TNRC18: variants seen among roughly 807,000 people sequenced by gnomAD.
The protein encoded by TNRC18 is trinucleotide repeat containing 18.
Under a neutral mutation model 226.7 loss-of-function variants are expected in TNRC18, and 69 were observed. The observed-to-expected ratio is 0.30, with a 90% confidence interval of 0.25 to 0.37. The LOEUF is 0.37. TNRC18 is among the 10% of genes least tolerant of loss of function. The probability of loss-of-function intolerance (pLI) is 1.00; values close to 1 mark genes in which losing one functional copy is unlikely to be tolerated. For synonymous variants in TNRC18, 2,449 were observed against 1,927.6 expected, an observed-to-expected ratio of 1.27 and a Z score of -7.09; for missense variants, 4,754 against 4,256.6, an observed-to-expected ratio of 1.12 and a Z score of -3.25.
intron 2 of TNRC18, among the ~76,000 whole-genome samples, chr7:5,404,467 T>G (rs1305109814): frequency 1.3e-5 from 2 of 152,178 alleles, no homozygotes; most frequent in Non-Finnish European, 2.9e-5. Context: ...CAAAGAAGTA[T>G]TGAAACAGTG....
Position 5,351,901 on chromosome 7 carries a change from C to T in TNRC18, c.5388G>A (p.Arg1796=). 2 of 1,613,666 alleles carry T rather than the reference C, an allele frequency of 1.2e-6. No homozygotes were observed. Among genetic ancestry groups the T allele is most frequent in the Non-Finnish European group, 1.7e-6 (2 of 1,179,786 alleles). Residue 1796 remains arginine, a synonymous_variant, in exon 17 of 30, where the codon AGG becomes AGA. Coordinates refer to ENST00000430969, the MANE Select transcript of TNRC18 (RefSeq NM_001080495.3). ...RTLKPKPATS[R]KQPFCLLLRE... The stretch of plus-strand genomic sequence containing the variant: ...GAAGCAGCAGACAAAACGGCTGCTT[C>T]CTGCTGGTGGCCGGCTTGGGTTTCA...
Position 5,370,362 on chromosome 7 carries a change from C to T in TNRC18, c.4219+13G>A, listed in dbSNP as rs114819957. 4.6e-4 allele frequency: 702 copies of T among 1,535,910 alleles called. 5 individuals are homozygous for T. The African/African-American group carries it at 8.9e-3, about 19-fold the overall frequency. ...TCACGAATCTGCAGAACTCAGAGGT[C>T]GCGCACTCTCACCTCCCATCTCTTG... On this transcript the variant is annotated intron_variant, in intron 11 of 29. Coordinates refer to ENST00000430969, the MANE Select transcript of TNRC18 (RefSeq NM_001080495.3).
rs1340561284 is a variant in TNRC18 at position 5,374,242 on chromosome 7, G to A, written c.3042C>T (p.Asp1014=). The A allele has an allele frequency of 1.5e-5, 22 of 1,500,062 alleles. No homozygotes were observed. Among genetic ancestry groups the A allele is most frequent in the South Asian group, 9.3e-5 (7 of 75,668 alleles). The allele number at this position is 1,500,062 out of a possible 1,614,324, so 92.9% of individuals were successfully genotyped here. The change falls in exon 10 of 30, where the codon GAC becomes GAT. Residue 1014 remains aspartate (D), a synonymous_variant. Transcript: ENST00000430969. ...LKAKVIQKLE[D]VSKPPAYAYP... ...AGGCGTAGGCGGGTGGCTTGGACAC[G>A]TCCTCCAGCTTCTGGATGACCTTGG...
In TNRC18 at chr7:5,312,986, GGAGGAGGAA is replaced by G. The variant is rs1318480318; in HGVS notation, c.7896_7904del (p.Ser2669_Ser2671del). ...AGGAAGAGGAGGAGGAGGAAGAGGA[GGAGGAGGAA>G]GAGGAGGATGAGGAGGAGGAGGAGG... On this transcript the variant is annotated inframe_deletion, in exon 27 of 30. Transcript: ENST00000430969. The surrounding 1 kb of genome is among the most constrained non-coding windows in gnomAD (Gnocchi z 6.3). 5 of 1,068,048 alleles carry G rather than the reference GGAGGAGGAA, an allele frequency of 4.7e-6. No homozygotes were observed. The highest frequency in any genetic ancestry group is 2.8e-5 in the East Asian group (1 of 35,872). The allele number at this position is 1,068,048 out of a possible 1,614,324, so 66.2% of individuals were successfully genotyped here. A position where few individuals can be genotyped will look rare whatever the true frequency, so the allele number is the denominator to read the frequency against.
chr7:5,359,901 A>G (rs1792853239), intron 14 of TNRC18, among the ~76,000 whole-genome samples: 2 of 152,148 alleles, frequency 1.3e-5, no homozygotes, highest in African/African-American at 4.8e-5. Flanking sequence ...AAGATCAGAA[A>G]CGCCAAGGAA....
rs888193315 is a variant in TNRC18 at position 5,419,465 on chromosome 7, G to GCA, written c.187+1593_187+1594dup. On this transcript the variant is annotated intron_variant, in intron 2 of 29. Coordinates refer to ENST00000430969, the MANE Select transcript of TNRC18 (RefSeq NM_001080495.3). ...CAAATGACCCAAAAGACACACGCAT[G>GCA]CACACACACACACATCACGGTGGAC... is the stretch of plus-strand genomic sequence containing the variant. Among the ~76,000 whole-genome samples, 596 of 151,778 alleles carry GCA rather than the reference G, an allele frequency of 3.9e-3. 2 individuals are homozygous for GCA. The highest frequency in any genetic ancestry group is 0.014 in the African/African-American group (571 of 41,484).
At chr7:5,416,993 A>T (rs767208539) in intron 2 of TNRC18, among the ~76,000 whole-genome samples, 7 of 15,960 alleles carry the variant, frequency 4.4e-4, no homozygotes, top group African/African-American at 7.9e-4. Context: ...TAAAAAAAAA[A>T]TTTTTTTTTA....
chr7:5,378,495 T>C (rs1272834266), intron 5 of TNRC18, among the ~76,000 whole-genome samples: 1 of 151,572 alleles, frequency 6.6e-6, no homozygotes, highest in Non-Finnish European at 1.5e-5. Context: ...CTCGGCTCAC[T>C]GCAAGCTCCA....
chr7:5,360,230 TATTTATTTA>T lies in TNRC18; in HGVS notation c.4662-670_4662-662del, dbSNP rs1486797842. ...TTATTTATTTATTTATTTATTTATT[TATTTATTTA>T]ATTTATTTTTAGATGGAGTCTCACT... On this transcript the variant is annotated intron_variant, in intron 14 of 29. Transcript: ENST00000430969. Among the ~76,000 whole-genome samples, 10 of 150,946 alleles carry T rather than the reference TATTTATTTA, an allele frequency of 6.6e-5. No individual in the cohort carries two copies. In the South Asian group the frequency reaches 1.0e-3, roughly 16 times the overall value.
Position 5,324,099 on chromosome 7 carries a change from G to A in TNRC18, c.6442+115C>T. 3.3e-6 allele frequency: 4 copies of A among 1,197,444 alleles called. No individual in the cohort carries two copies. The South Asian group carries it at 4.5e-5, about 13-fold the overall frequency. 74.2% of individuals were successfully genotyped at this position (1,197,444 alleles called of 1,614,324 possible). On this transcript the variant is annotated intron_variant, in intron 21 of 29. Coordinates refer to ENST00000430969, the MANE Select transcript of TNRC18 (RefSeq NM_001080495.3). The surrounding 1 kb of genome is among the most constrained non-coding windows in gnomAD (Gnocchi z 4.8). ...TCAGCCTCAGGATCTCTGCTCCTGT[G>A]GTTCCCTGCCCCCAGCTAGCCCAGC...
At position 5,332,709 on chromosome 7, in the gene TNRC18, G is replaced by A. The variant is rs1425786585; in HGVS notation, c.6060C>T (p.Ala2020=). 15 of 1,528,882 alleles carry A rather than the reference G, an allele frequency of 9.8e-6. No homozygotes were observed. The highest frequency in any genetic ancestry group is 1.2e-5 in the Non-Finnish European group (14 of 1,141,996). 94.7% of individuals were successfully genotyped at this position (1,528,882 alleles called of 1,614,324 possible). A position where few individuals can be genotyped will look rare whatever the true frequency, so the allele number is the denominator to read the frequency against. ...AAPAPVSTAP[A]TKTSRCAKGG... ...CCTTGGCGCAGCGGCTGGTCTTGGT[G>A]GCGGGCGCGGTGCTGACGGGCGCAG... Residue 2020 remains alanine, a synonymous_variant, in exon 19 of 30, where the codon GCC becomes GCT. Transcript: ENST00000430969.
chr7:5,409,544 G>A (rs898202863), intron 2 of TNRC18, among the ~76,000 whole-genome samples: 2 of 151,570 alleles, frequency 1.3e-5, no homozygotes, highest in Non-Finnish European at 2.9e-5. Flanking sequence ...AGCAGTGATT[G>A]CACCACTGAA....
chr7:5,398,513 C>T (rs1272146473), intron 2 of TNRC18, among the ~76,000 whole-genome samples: 2 of 151,468 alleles, frequency 1.3e-5, no homozygotes, highest in Admixed American at 1.3e-4. Context: ...GAGATGAGGT[C>T]TTGCGATGTT....
At chr7:5,412,118 G>T (rs773492878) in intron 2 of TNRC18, among the ~76,000 whole-genome samples, 1 of 152,036 alleles carries the variant, frequency 6.6e-6, no homozygotes, top group Admixed American at 6.6e-5. Context: ...GAGCCCAGGA[G>T]GTTGAGGCTG....
At chr7:5,311,146 TTTTG>T (rs1787158200) in intron 27 of TNRC18, among the ~76,000 whole-genome samples, 1 of 152,238 alleles carries the variant, frequency 6.6e-6, no homozygotes, top group Non-Finnish European at 1.5e-5. Flanking sequence ...GTATACTTGC[TTTTG>T]TGTGTGGCTG....
chr7:5,336,202 GT>G (rs199981946), intron 18 of TNRC18, among the ~76,000 whole-genome samples: 3,184 of 141,642 alleles, frequency 0.022, 67 homozygotes, highest in Admixed American at 0.067. Flanking sequence ...GCGAGACTCT[GT>G]TTTAAAAAAA....
Position 5,319,955 on chromosome 7 carries a change from G to A in TNRC18, c.6745+363C>T, listed in dbSNP as rs377067599. Among the ~76,000 whole-genome samples, 21 of 152,324 alleles carry A rather than the reference G, an allele frequency of 1.4e-4. No homozygotes were observed. The South Asian group carries it at 3.1e-3, about 23-fold the overall frequency. Reference sequence around the variant, plus strand: ...CCCAGGCCCGGTCGATCAGACTCACGGCAGTAGGATCAATGAAAACCATGT... The same window carrying A: ...CCCAGGCCCGGTCGATCAGACTCACAGCAGTAGGATCAATGAAAACCATGT... On this transcript the variant is annotated intron_variant, in intron 24 of 29. Coordinates refer to ENST00000430969, the MANE Select transcript of TNRC18 (RefSeq NM_001080495.3).
At chr7:5,337,475 C>A (rs771586793) in intron 18 of TNRC18, among the ~76,000 whole-genome samples, 1 of 128,248 alleles carries the variant, frequency 7.8e-6, no homozygotes, top group Admixed American at 8.1e-5. Flanking sequence ...CAGAGTGAGA[C>A]TGTTTCAAAA....
rs1197604037 is a variant in TNRC18, at chr7:5,389,334, C to T, written c.490G>A (p.Gly164Ser). Residue 164 changes from glycine (G) to serine (S), a missense_variant and splice_region_variant, in exon 5 of 30, where the codon GGT becomes AGT. Transcript: ENST00000430969. ...GCCCCCGCGGTGGGCAGGTAGAAAC[C>T]GTCTGCGGAGAAGGGAACAGCAGGC... is the stretch of plus-strand genomic sequence containing the variant. ...TQKGQGPGGD[G>S]FYLPTAGAPG... is the part of the protein sequence containing the mutation. 1.6e-6 allele frequency: 2 copies of T among 1,279,968 alleles called. No homozygotes were observed. Among genetic ancestry groups the T allele is most frequent in the Admixed American group, 3.8e-5 (1 of 26,398 alleles). The allele number at this position is 1,279,968 out of a possible 1,614,324, so 79.3% of individuals were successfully genotyped here.
Sources: allele counts gnomAD v4.1 joint callset (sites outside exome capture counted in the v4.1 genomes callset), GRCh38; gene constraint gnomAD v4.1.1; non-coding constraint Gnocchi (gnomAD v3.1); transcripts MANE v1.5; gene names NCBI Gene and HGNC (gene_info 2026-07-23, HGNC 2026-07-21).